Variants in RBM20 observed in about 807,000 individuals in gnomAD.
RBM20 encodes the protein RNA-binding protein 20.
In RBM20, 51 loss-of-function variants were observed where a neutral mutation model predicts 110.1. The ratio of observed to expected loss-of-function variants is 0.46; its 90% CI spans 0.37 to 0.59. The LOEUF (loss-of-function observed/expected upper bound fraction) is 0.59, where lower values mean the gene tolerates loss of function less well. Ranked by LOEUF, RBM20 falls within the 20% of genes least tolerant of loss-of-function variation. The probability of loss-of-function intolerance (pLI) is 0.00; values close to 1 mark genes in which losing one functional copy is unlikely to be tolerated. For missense variants in RBM20, 1,512 were observed against 1,574.9 expected (o/e 0.96, Z 0.68); for synonymous variants, 589 against 618.2 (o/e 0.95, Z 0.70).
chr10:110,681,001 A>G (rs1210100327), intron 1 of RBM20, among the ~76,000 whole-genome samples: 1 of 152,180 alleles, frequency 6.6e-6, no homozygotes, highest in African/African-American at 2.4e-5. Context: ...TACATTCGTG[A>G]AAAATCTTAA....
chr10:110,825,916 CAG>C (rs1196044422), intron 12 of RBM20, among the ~76,000 whole-genome samples: 1 of 152,096 alleles, frequency 6.6e-6, no homozygotes, highest in Non-Finnish European at 1.5e-5. Flanking sequence ...TGGCAAAAAC[CAG>C]AGTCAGGTTC....
rs1295844928 is a variant in RBM20 at position 110,768,072 on chromosome 10, A to G, written c.192-12729A>G. 5.4e-4 allele frequency among the ~76,000 whole-genome samples: 82 copies of G among 152,374 alleles called. 1 individual carries two copies. The highest frequency in any genetic ancestry group is 7.3e-5 in the Non-Finnish European group (5 of 68,036). On this transcript the variant is annotated intron_variant, in intron 1 of 13. Coordinates refer to ENST00000369519, the MANE Select transcript of RBM20 (RefSeq NM_001134363.3). The stretch of plus-strand genomic sequence containing the variant: ...GCGAAACCCCGTCTCCACCAAAAAA[A>G]TACGAAAACCAGTCAGGCGTGGCGG...
intron 1 of RBM20, among the ~76,000 whole-genome samples, chr10:110,724,365 C>T (rs1459986030): frequency 6.6e-6 from 1 of 152,200 alleles, no homozygotes; most frequent in African/African-American, 2.4e-5. Context: ...CTGGGAGCTG[C>T]AGAACTGAAG....
intron 1 of RBM20, among the ~76,000 whole-genome samples, chr10:110,759,317 C>T (rs1196717949): frequency 6.6e-6 from 1 of 152,198 alleles, no homozygotes; most frequent in Non-Finnish European, 1.5e-5. Flanking sequence ...CTCATCTTTT[C>T]TGGCATAGCT....
intron 1 of RBM20, among the ~76,000 whole-genome samples, chr10:110,723,572 C>T (rs1281451878): frequency 6.6e-6 from 1 of 152,186 alleles, no homozygotes; most frequent in Non-Finnish European, 1.5e-5. Flanking sequence ...CCAATTTTTC[C>T]ACATTCTTGC....
intron 1 of RBM20, among the ~76,000 whole-genome samples, chr10:110,773,082 T>C (rs554297649): frequency 6.6e-6 from 1 of 152,246 alleles, no homozygotes; most frequent in Non-Finnish European, 1.5e-5. Flanking sequence ...GATTTCTAGC[T>C]TCCTGATTTT....
In RBM20 at chr10:110,644,473, A is replaced by T. The variant is rs1590590851; in HGVS notation, c.19A>T (p.Met7Leu). 1 of 1,518,608 alleles carries T rather than the reference A, an allele frequency of 6.6e-7. No individual in the cohort carries two copies. 94.1% of individuals were successfully genotyped at this position (1,518,608 alleles called of 1,614,324 possible). The stretch of plus-strand genomic sequence containing the variant: ...GCCCCGCATGGTGCTGGCAGCAGCC[A>T]TGAGCCAGGACGCGGACCCCAGCGG... MVLAAA[M>L]SQDADPSGPE... is the part of the protein sequence containing the mutation. Residue 7 changes from methionine (M) to leucine (L), a missense_variant, in exon 1 of 14, where the codon ATG (methionine) becomes TTG (leucine). Physicochemically the swap from Met to Leu is conservative, Grantham distance 15. This residue lies in a region of RBM20 where 1,149 missense variants were observed against 1,169.4 expected (regional missense o/e 0.98). Transcript: ENST00000369519. The surrounding 1 kb of genome is among the most constrained non-coding windows in gnomAD (Gnocchi z 4.3).
intron 1 of RBM20, among the ~76,000 whole-genome samples, chr10:110,650,474 T>C (rs1206298607): frequency 3.9e-5 from 6 of 152,210 alleles, no homozygotes; most frequent in Non-Finnish European, 4.4e-5. Flanking sequence ...CAAATCAATC[T>C]TTCCATGTGT....
At chr10:110,745,335 T>G (rs1180599421) in intron 1 of RBM20, among the ~76,000 whole-genome samples, 2 of 152,124 alleles carry the variant, frequency 1.3e-5, no homozygotes, top group Non-Finnish European at 2.9e-5. Context: ...CCTGCTGGGT[T>G]TGAACAGTGC....
At chr10:110,686,506 T>C (rs1862507206) in intron 1 of RBM20, among the ~76,000 whole-genome samples, 3 of 152,038 alleles carry the variant, frequency 2.0e-5, no homozygotes, top group Admixed American at 2.0e-4. Flanking sequence ...ACGCCTGTAG[T>C]CCCAGCTACT....
rs77568383 is a variant in RBM20, at chr10:110,820,597, T to C, written c.2655+421T>C. On this transcript the variant is annotated intron_variant, in intron 10 of 13. Transcript: ENST00000369519. ...TAACAAGCCATCTACTGTGCTTGTA[T>C]AGATTGTTTTACTTAATTAAAATGA... Among the ~76,000 whole-genome samples, 1,384 of 152,360 alleles carry C rather than the reference T, an allele frequency of 9.1e-3. 26 individuals are homozygous for C. The highest frequency in any genetic ancestry group is 0.032 in the African/African-American group (1,326 of 41,574).
intron 1 of RBM20, among the ~76,000 whole-genome samples, chr10:110,707,047 C>G (rs1564821226): frequency 6.6e-6 from 1 of 152,052 alleles, no homozygotes; most frequent in Non-Finnish European, 1.5e-5. Flanking sequence ...GTAAAATGAA[C>G]CTGTTGCATT....
chr10:110,645,163 T>A (rs965262099), intron 1 of RBM20, among the ~76,000 whole-genome samples: 2 of 152,252 alleles, frequency 1.3e-5, no homozygotes, highest in Non-Finnish European at 2.9e-5. Flanking sequence ...GAAGGCCTTT[T>A]CGAAGAGTTT....
At chr10:110,734,887 T>C (rs1843654825) in intron 1 of RBM20, among the ~76,000 whole-genome samples, 1 of 152,192 alleles carries the variant, frequency 6.6e-6, no homozygotes, top group South Asian at 2.1e-4. Context: ...ATGCCAGAAA[T>C]AAACAATTCC....
rs144855739 is a variant in RBM20 at position 110,814,352 on chromosome 10, A to G, written c.2550+1405A>G. Among the ~76,000 whole-genome samples, 828 of 150,422 alleles carry G rather than the reference A, an allele frequency of 5.5e-3. 11 individuals are homozygous for G. Among genetic ancestry groups the G allele is most frequent in the African/African-American group, 0.019 (787 of 40,362 alleles). The stretch of plus-strand genomic sequence containing the variant: ...TTAATATAAAAATAATTTGTATACA[A>G]TGGGACTCATGCCAGCATTTACAGC... On this transcript the variant is annotated intron_variant, in intron 9 of 13. Transcript: ENST00000369519.
intron 1 of RBM20, among the ~76,000 whole-genome samples, chr10:110,760,073 A>G (rs1210701565): frequency 6.6e-6 from 1 of 152,178 alleles, no homozygotes; most frequent in African/African-American, 2.4e-5. Flanking sequence ...GATGTTGATG[A>G]CCTTGGTCCC....
In RBM20 at chr10:110,670,847, T is replaced by C. The variant is rs117679631; in HGVS notation, c.191+26202T>C. Among the ~76,000 whole-genome samples, 58 of 152,322 alleles carry C rather than the reference T, an allele frequency of 3.8e-4. 2 individuals are homozygous for C. In the East Asian group the frequency reaches 0.011, roughly 28 times the overall value. On this transcript the variant is annotated intron_variant, in intron 1 of 13. Transcript: ENST00000369519. The stretch of plus-strand genomic sequence containing the variant: ...TATTAGCAGTAATCTCTTTGTCAGA[T>C]TGTTATTTTTCTCTTTTGTGTTCCT...
chr10:110,724,674 C>T (rs1843542886), intron 1 of RBM20, among the ~76,000 whole-genome samples: 1 of 152,156 alleles, frequency 6.6e-6, no homozygotes, highest in Non-Finnish European at 1.5e-5. Context: ...GCACAAGACT[C>T]AGGGAGGGGA....
intron 1 of RBM20, among the ~76,000 whole-genome samples, chr10:110,742,630 A>G (rs1843736310): frequency 6.6e-6 from 1 of 152,142 alleles, no homozygotes; most frequent in Non-Finnish European, 1.5e-5. Context: ...ACTTTCTCAT[A>G]ACATGATTTC....
Sources: gnomAD v4.1 joint callset for allele counts (sites outside exome capture counted in the v4.1 genomes callset) on GRCh38, gnomAD v4.1.1 for gene constraint, gnomAD v4.1.1 regional missense constraint, Gnocchi (gnomAD v3.1) non-coding constraint, MANE v1.5 for transcripts, NCBI Gene and HGNC (gene_info 2026-07-23, HGNC 2026-07-21) for gene names.